Variants in TINAG observed in about 807,000 individuals in gnomAD.
TINAG encodes tubulointerstitial nephritis antigen.
A neutral mutation model predicts 72.7 loss-of-function variants in TINAG; 83 were observed. The ratio of observed to expected loss-of-function variants is 1.14; its 90% CI spans 0.96 to 1.37. The LOEUF is 1.37. TINAG is among the 40% of genes most tolerant of loss of function. The pLI, the probability that TINAG is intolerant of heterozygous loss-of-function variation, is 0.00. For synonymous variants in TINAG, 234 were observed against 189.9 expected, an observed-to-expected ratio of 1.23 and a Z score of -1.91; for missense variants, 685 against 576.6, an observed-to-expected ratio of 1.19 and a Z score of -1.93.
chr6:54,321,987 C>T (rs1582699855), intron 3 of TINAG, among the ~76,000 whole-genome samples: 1 of 152,222 alleles, frequency 6.6e-6, no homozygotes, highest in South Asian at 2.1e-4. Flanking sequence ...GTGGCGTCTC[C>T]ATTTACATAG....
intron 1 of TINAG, among the ~76,000 whole-genome samples, chr6:54,310,824 TTC>T (rs967288273): frequency 2.9e-4 from 43 of 146,562 alleles, no homozygotes; most frequent in African/African-American, 8.5e-4. Flanking sequence ...CCCTCTTTCT[TTC>T]TCTTTCTTTT....
intron 9 of TINAG, among the ~76,000 whole-genome samples, chr6:54,377,145 A>AAAAC (rs1474179515): frequency 7.2e-5 from 11 of 152,214 alleles, no homozygotes; most frequent in Non-Finnish European, 1.5e-5. Flanking sequence ...AAAACAAAAC[A>AAAAC]AAACAAAAAC....
At chr6:54,337,106 A>G (rs1050514140) in intron 4 of TINAG, among the ~76,000 whole-genome samples, 19 of 151,844 alleles carry the variant, frequency 1.3e-4, no homozygotes, top group African/African-American at 4.6e-4. Flanking sequence ...TATTCTCTAG[A>G]TAACATGTAA....
intron 4 of TINAG, among the ~76,000 whole-genome samples, chr6:54,338,025 ACTT>A (rs1784908508): frequency 6.6e-6 from 1 of 152,210 alleles, no homozygotes; most frequent in Admixed American, 6.5e-5. Flanking sequence ...TCTTTTTACT[ACTT>A]CTGTCTCTCT....
At chr6:54,323,847 G>A (rs920443387) in intron 3 of TINAG, among the ~76,000 whole-genome samples, 25 of 152,140 alleles carry the variant, frequency 1.6e-4, no homozygotes, top group African/African-American at 2.7e-4. Flanking sequence ...CCAGCTACTC[G>A]TTAGGTTGAT....
rs904522724 is a variant in TINAG at position 54,318,522 on chromosome 6, T to A, written c.356-2057T>A. Among the ~76,000 whole-genome samples the A allele has an allele frequency of 3.3e-5, 5 of 152,260 alleles. No individual in the cohort carries two copies. The East Asian group carries it at 9.7e-4, about 29-fold the overall frequency. ...TCTATCCTCACTACTATTATGCTAA[T>A]CCTTCATGCTTCTGGGAACCTCCAC... On this transcript the variant is annotated intron_variant, in intron 1 of 10. Coordinates refer to ENST00000259782, the MANE Select transcript of TINAG (RefSeq NM_014464.4).
rs574875167 is a variant in TINAG, at chr6:54,345,734, A to G, written c.749-1633A>G. On this transcript the variant is annotated intron_variant, in intron 5 of 10. Coordinates refer to ENST00000259782, the MANE Select transcript of TINAG (RefSeq NM_014464.4). ...CTAGTGCAATAGTAGATGGGAATTT[A>G]GTAGGGAGCTGGAGGTTATAGATTT... Among the ~76,000 whole-genome samples, 6 of 152,214 alleles carry G rather than the reference A, an allele frequency of 3.9e-5. No homozygotes were observed. In the East Asian group the frequency reaches 1.2e-3, roughly 29 times the overall value.
intron 7 of TINAG, 50 bp downstream of exon 7, chr6:54,349,946 A>G (rs1193016819): frequency 2.3e-6 from 3 of 1,311,800 alleles, no homozygotes; most frequent in Non-Finnish European, 3.1e-6. Flanking sequence ...TCAAATGTAT[A>G]TAGCTCTACT....
intron 9 of TINAG, among the ~76,000 whole-genome samples, chr6:54,368,842 C>T (rs1317060332): frequency 2.6e-5 from 4 of 151,388 alleles, no homozygotes; most frequent in Non-Finnish European, 4.4e-5. Context: ...TATTAAGTAC[C>T]GTGCATTTTG....
intron 4 of TINAG, among the ~76,000 whole-genome samples, chr6:54,327,759 C>T (rs1784642098): frequency 2.0e-5 from 3 of 152,102 alleles, no homozygotes; most frequent in Admixed American, 1.3e-4. Flanking sequence ...GACACTCGAG[C>T]GTGGTGGAGG....
intron 2 of TINAG, 40 bp from the exon 3 acceptor site, chr6:54,321,257 T>C: frequency 1.3e-6 from 2 of 1,513,228 alleles, no homozygotes; most frequent in Non-Finnish European, 1.8e-6. Flanking sequence ...ATATACTTCA[T>C]AAAGACCAAG....
intron 9 of TINAG, among the ~76,000 whole-genome samples, chr6:54,357,986 C>T (rs1763109802): frequency 6.6e-6 from 1 of 151,854 alleles, no homozygotes; most frequent in South Asian, 2.1e-4. Context: ...CTCCCACTCC[C>T]ATCAACTTTC....
intron 4 of TINAG, among the ~76,000 whole-genome samples, chr6:54,342,706 C>G (rs894558080): frequency 3.3e-5 from 5 of 152,124 alleles, no homozygotes; most frequent in African/African-American, 1.2e-4. Context: ...TTATAAATAT[C>G]AACCAATTCA....
At chr6:54,312,204 G>A (rs1017946408) in intron 1 of TINAG, among the ~76,000 whole-genome samples, 24 of 151,998 alleles carry the variant, frequency 1.6e-4, no homozygotes, top group Middle Eastern at 3.2e-3. Flanking sequence ...GACTACAGGT[G>A]CCTACCACCA....
intron 4 of TINAG, among the ~76,000 whole-genome samples, chr6:54,331,173 A>T (rs1221871105): frequency 6.6e-6 from 1 of 152,226 alleles, no homozygotes; most frequent in Non-Finnish European, 1.5e-5. Flanking sequence ...ATTTCAGGGC[A>T]ATATCCCTGA....
At chr6:54,326,977 A>C in intron 4 of TINAG, 61 bp downstream of exon 4, 1 of 1,600,888 alleles carries the variant, frequency 6.2e-7, no homozygotes. Flanking sequence ...TTGTGTGTGC[A>C]TTAAAAGCAA....
intron 9 of TINAG, among the ~76,000 whole-genome samples, chr6:54,372,149 G>A (rs545715979): frequency 7.1e-4 from 108 of 151,840 alleles, no homozygotes; most frequent in African/African-American, 2.4e-3. Context: ...CTGCCACCAT[G>A]TCTGGCTAAT....
At position 54,326,960 on chromosome 6, in the gene TINAG, AGT is replaced by A. The variant is rs929523591; in HGVS notation, c.624+49_624+50del. On this transcript the variant is annotated intron_variant, in intron 4 of 10. Transcript: ENST00000259782. ...TCACGTATGTGCATGTATTTGTAAA[AGT>A]GTGTTTGTGTGTGCATTAAAAGCAA... 6.8e-6 allele frequency: 11 copies of A among 1,611,436 alleles called. No homozygotes were observed. The African/African-American group carries it at 1.3e-4, about 20-fold the overall frequency.
At chr6:54,366,690 G>A (rs3822894) in intron 9 of TINAG, among the ~76,000 whole-genome samples, 8,871 of 151,460 alleles carry the variant, frequency 0.059, 475 homozygotes, top group East Asian at 0.29. Context: ...ACATTGAGTA[G>A]CGAAGATGTG....
Sources: allele counts gnomAD v4.1 joint callset (sites outside exome capture counted in the v4.1 genomes callset), GRCh38; gene constraint gnomAD v4.1.1; transcripts MANE v1.5; gene names NCBI Gene and HGNC (gene_info 2026-07-23, HGNC 2026-07-21).